Variants in TECPR2 observed in about 807,000 individuals in gnomAD.
TECPR2 encodes the protein tectonin beta-propeller repeat containing 2, also known as tectonin beta-propeller repeat-containing protein 2.
Under a neutral mutation model 138.1 loss-of-function variants are expected in TECPR2, and 65 were observed. The ratio of observed to expected loss-of-function variants is 0.47; its 90% CI spans 0.39 to 0.58. The LOEUF (loss-of-function observed/expected upper bound fraction) is 0.58, where lower values mean the gene tolerates loss of function less well. TECPR2 is among the 20% of genes least tolerant of loss of function. The pLI is 0.00. For missense variants in TECPR2, 1,553 were observed against 1,824.5 expected, an observed-to-expected ratio of 0.85 and a Z score of 2.71; for synonymous variants, 746 against 749.8, an observed-to-expected ratio of 0.99 and a Z score of 0.08.
intron 5 of TECPR2, among the ~76,000 whole-genome samples, chr14:102,417,743 G>T: frequency 6.7e-6 from 1 of 148,482 alleles, no homozygotes; most frequent in Non-Finnish European, 1.5e-5. Flanking sequence ...GAGTCCAGGG[G>T]AGCCGTGGGG....
chr14:102,502,258 T>G lies in TECPR2; in HGVS notation c.*4001T>G, dbSNP rs950502192. The G allele has an allele frequency of 3.3e-4, 50 of 152,598 alleles. No homozygotes were observed. The highest frequency in any genetic ancestry group is 1.1e-3 in the African/African-American group (46 of 41,456). 9.5% of individuals were successfully genotyped at this position (152,598 alleles called of 1,614,324 possible). ...AGGGGGAGGGAGACAACCCAAACGTTGGAGGGTATTTGTTGTAAACTTCAA... is the reference window on the plus strand; with the variant it reads ...AGGGGGAGGGAGACAACCCAAACGTGGGAGGGTATTTGTTGTAAACTTCAA... On this transcript the variant is annotated 3_prime_UTR_variant, in exon 20 of 20. Coordinates refer to ENST00000359520, the MANE Select transcript of TECPR2 (RefSeq NM_014844.5).
chr14:102,491,681 T>C (rs1418374245), intron 17 of TECPR2, among the ~76,000 whole-genome samples: 2 of 152,216 alleles, frequency 1.3e-5, no homozygotes, highest in African/African-American at 4.8e-5. Flanking sequence ...CCCTCAGTTC[T>C]ACACTTGCTG....
chr14:102,473,306 C>T lies in TECPR2; in HGVS notation c.3789+8017C>T, dbSNP rs561991638. On this transcript the variant is annotated intron_variant, in intron 17 of 19. Coordinates refer to ENST00000359520, the MANE Select transcript of TECPR2 (RefSeq NM_014844.5). ...AGCCTACACATGCGAATCTTTAAAT[C>T]GCAGAGGGTCCTGCAAATGAGCCCA... 5.8e-4 allele frequency among the ~76,000 whole-genome samples: 89 copies of T among 152,324 alleles called. 2 individuals carry two copies. Among genetic ancestry groups the T allele is most frequent in the Admixed American group, 5.7e-3 (87 of 15,294 alleles).
At chr14:102,487,143 A>G (rs1314640880) in intron 17 of TECPR2, among the ~76,000 whole-genome samples, 2 of 152,198 alleles carry the variant, frequency 1.3e-5, no homozygotes, top group Non-Finnish European at 2.9e-5. Flanking sequence ...TGGAGGGAAA[A>G]GAAAAGGCAG....
intron 10 of TECPR2, 33 bp downstream of exon 10, chr14:102,438,238 GCTCCCGCTC>G: frequency 6.3e-7 from 1 of 1,576,986 alleles, no homozygotes; most frequent in Non-Finnish European, 8.6e-7. Flanking sequence ...CCCGCTCCCT[GCTCCCGCTC>G]GCCGCTCCTG....
chr14:102,381,235 A>G (rs1482392122), intron 2 of TECPR2, among the ~76,000 whole-genome samples: 9 of 152,214 alleles, frequency 5.9e-5, no homozygotes, highest in Non-Finnish European at 1.0e-4. Flanking sequence ...TGCTGGGATT[A>G]CAGCTGTGAG....
At chr14:102,380,354 T>C (rs541885127) in intron 2 of TECPR2, among the ~76,000 whole-genome samples, 2 of 152,392 alleles carry the variant, frequency 1.3e-5, no homozygotes, top group Admixed American at 6.5e-5. Context: ...GAAACTGTAT[T>C]AGCCCGTTCT....
chr14:102,476,405 C>G (rs1890765443), intron 17 of TECPR2, among the ~76,000 whole-genome samples: 1 of 150,128 alleles, frequency 6.7e-6, no homozygotes, highest in Admixed American at 6.7e-5. Context: ...AACAACAACT[C>G]AAATCAAATT....
Position 102,458,249 on chromosome 14 carries a change from C to T in TECPR2, c.3640+5622C>T, listed in dbSNP as rs147663294. 2.8e-3 allele frequency among the ~76,000 whole-genome samples: 423 copies of T among 152,278 alleles called. 3 individuals carry two copies. The highest frequency in any genetic ancestry group is 9.3e-3 in the African/African-American group (385 of 41,562). ...CTCAGCAGTGTCCTGGCCATCTACC[C>T]GAGGATCTCCCTGCTTCTGGACCTC... On this transcript the variant is annotated intron_variant, in intron 16 of 19. Coordinates refer to ENST00000359520, the MANE Select transcript of TECPR2 (RefSeq NM_014844.5).
intron 17 of TECPR2, among the ~76,000 whole-genome samples, chr14:102,483,006 G>T (rs900096620): frequency 3.3e-5 from 5 of 151,096 alleles, no homozygotes; most frequent in Admixed American, 2.6e-4. Context: ...ACCACGCCTG[G>T]CTAATTTTTT....
At chr14:102,405,322 CAG>C (rs1246444673) in intron 2 of TECPR2, among the ~76,000 whole-genome samples, 1 of 151,980 alleles carries the variant, frequency 6.6e-6, no homozygotes, top group East Asian at 1.9e-4. Context: ...AAGAAACAAA[CAG>C]ACAAAAAACT....
intron 1 of TECPR2, among the ~76,000 whole-genome samples, chr14:102,365,400 G>C (rs575237299): frequency 6.6e-6 from 1 of 152,210 alleles, no homozygotes; most frequent in Non-Finnish European, 1.5e-5. Context: ...GGGCACATGT[G>C]GGGGAATAGG....
At chr14:102,396,555 T>C (rs1888320576) in intron 2 of TECPR2, among the ~76,000 whole-genome samples, 1 of 152,110 alleles carries the variant, frequency 6.6e-6, no homozygotes, top group African/African-American at 2.4e-5. Flanking sequence ...GGGAAAATGG[T>C]GGAAGAGGGA....
intron 16 of TECPR2, among the ~76,000 whole-genome samples, chr14:102,453,007 G>A (rs934720003): frequency 2.6e-5 from 4 of 152,192 alleles, no homozygotes; most frequent in African/African-American, 9.6e-5. Context: ...CCTATGACAG[G>A]ATCAGTGCCA....
intron 4 of TECPR2, among the ~76,000 whole-genome samples, chr14:102,412,679 A>C (rs1374975207): frequency 6.6e-6 from 1 of 152,156 alleles, no homozygotes; most frequent in Non-Finnish European, 1.5e-5. Context: ...ATTTCAAATA[A>C]AAATGGTGTT....
intron 5 of TECPR2, among the ~76,000 whole-genome samples, chr14:102,418,218 C>T (rs533878723): frequency 9.9e-5 from 15 of 152,282 alleles, no homozygotes; most frequent in Non-Finnish European, 1.5e-4. Flanking sequence ...GATGAATCCA[C>T]GCAGGGAATG....
At position 102,438,233 on chromosome 14, in the gene TECPR2, TCCCTGCTCCC is replaced by T. The variant is rs1567342059; in HGVS notation, c.2578+29_2578+38del. 3.2e-6 allele frequency: 5 copies of T among 1,581,852 alleles called. No individual in the cohort carries two copies. In the South Asian group the frequency reaches 5.7e-5, roughly 18 times the overall value. ...TCGCCTCCCCGCTCCCTGCTCCCGCTCCCTGCTCCCGCTCGCCGCTCCTGCTCCCCGCCCC... is the reference window on the plus strand; with the variant it reads ...TCGCCTCCCCGCTCCCTGCTCCCGCTGCTCGCCGCTCCTGCTCCCCGCCCC... On this transcript the variant is annotated intron_variant, in intron 10 of 19. Coordinates refer to ENST00000359520, the MANE Select transcript of TECPR2 (RefSeq NM_014844.5).
intron 1 of TECPR2, among the ~76,000 whole-genome samples, chr14:102,375,841 G>A (rs1470243423): frequency 6.6e-6 from 1 of 152,214 alleles, no homozygotes; most frequent in Non-Finnish European, 1.5e-5. Context: ...TCTTGAGTGA[G>A]TCTCATGACC....
At chr14:102,364,857 A>C (rs1162991242) in intron 1 of TECPR2, among the ~76,000 whole-genome samples, 1 of 152,204 alleles carries the variant, frequency 6.6e-6, no homozygotes, top group East Asian at 1.9e-4. Context: ...AAGATGAGGA[A>C]TAGATCAGGA....
Sources: allele counts gnomAD v4.1 joint callset (sites outside exome capture counted in the v4.1 genomes callset), GRCh38; gene constraint gnomAD v4.1.1; transcripts MANE v1.5; gene names NCBI Gene and HGNC (gene_info 2026-07-23, HGNC 2026-07-21).